Variants in SEMA3A observed in about 807,000 individuals in gnomAD.
The protein encoded by SEMA3A is semaphorin 3A, also known as semaphorin-3A.
SEMA3A carries 29 observed loss-of-function variants against 97.9 expected under a neutral mutation model. That is an observed-to-expected ratio of 0.30 (90% confidence interval 0.22 to 0.40). SEMA3A has a LOEUF of 0.40. Ranked by LOEUF, SEMA3A falls within the 10% of genes least tolerant of loss-of-function variation. SEMA3A has a pLI of 1.00. For synonymous variants in SEMA3A, 321 were observed against 323.7 expected (o/e 0.99, Z 0.09); for missense variants, 763 against 951.3 (o/e 0.80, Z 2.60).
At chr7:84,024,329 C>T (rs565458778) in intron 6 of SEMA3A, among the ~76,000 whole-genome samples, 1 of 152,074 alleles carries the variant, frequency 6.6e-6, no homozygotes, top group African/African-American at 2.4e-5. Flanking sequence ...TCACTTGAGG[C>T]CAGGAGGTTG....
intron 2 of SEMA3A, among the ~76,000 whole-genome samples, chr7:84,327,532 G>A (rs1801800974): frequency 6.6e-6 from 1 of 151,826 alleles, no homozygotes; most frequent in Non-Finnish European, 1.5e-5. Flanking sequence ...AAGAGCATGT[G>A]TAATTTCTAA....
intron 6 of SEMA3A, among the ~76,000 whole-genome samples, chr7:84,025,674 A>G (rs556519813): frequency 6.6e-6 from 1 of 152,304 alleles, no homozygotes; most frequent in Admixed American, 6.5e-5. Flanking sequence ...ACATCAGGAG[A>G]GAGAGAAGGG....
intron 6 of SEMA3A, among the ~76,000 whole-genome samples, chr7:84,039,283 AT>A (rs1792048476): frequency 6.6e-6 from 1 of 152,204 alleles, no homozygotes; most frequent in Non-Finnish European, 1.5e-5. Context: ...AATAACTTAA[AT>A]GACTCCCAAA....
At chr7:84,289,857 G>GA (rs1800697672) in intron 3 of SEMA3A, among the ~76,000 whole-genome samples, 1 of 152,044 alleles carries the variant, frequency 6.6e-6, no homozygotes, top group Non-Finnish European at 1.5e-5. Flanking sequence ...CCAAAAAGTA[G>GA]AAAAAATCTA....
chr7:84,319,803 C>T (rs116329121), intron 2 of SEMA3A, among the ~76,000 whole-genome samples: 2,363 of 152,000 alleles, frequency 0.016, 59 homozygotes, highest in African/African-American at 0.053. Context: ...TCTTATTTAA[C>T]GATTTAAATG....
At chr7:83,970,226 TAATC>T (rs1272089327) in intron 15 of SEMA3A, among the ~76,000 whole-genome samples, 5 of 152,308 alleles carry the variant, frequency 3.3e-5, no homozygotes, top group Admixed American at 2.6e-4. Flanking sequence ...AATCTTCAAT[TAATC>T]ATTTCCTCTT....
At chr7:84,194,440 C>A (rs1162531944) in intron 1 of SEMA3A, 35 bp downstream of exon 1, 1 of 1,420,716 alleles carries the variant, frequency 7.0e-7, no homozygotes. Context: ...GCGGTTATTA[C>A]AAAGCTAACC....
chr7:84,147,882 C>T (rs1796509314), intron 1 of SEMA3A, among the ~76,000 whole-genome samples: 1 of 151,498 alleles, frequency 6.6e-6, no homozygotes, highest in Non-Finnish European at 1.5e-5. Flanking sequence ...TTCTCTTTTT[C>T]TTACTCTCAC....
intron 1 of SEMA3A, among the ~76,000 whole-genome samples, chr7:84,445,510 A>G (rs1311841351): frequency 2.7e-5 from 4 of 146,012 alleles, no homozygotes; most frequent in East Asian, 4.1e-4. Flanking sequence ...AAAAAAAAAA[A>G]AAAAAAAAAA....
chr7:84,464,837 A>C (rs1805949971), intron 1 of SEMA3A, among the ~76,000 whole-genome samples: 1 of 152,194 alleles, frequency 6.6e-6, no homozygotes, highest in African/African-American at 2.4e-5. Context: ...TTCATAATAT[A>C]GTCGGTATCT....
chr7:84,398,849 A>G (rs561999656), intron 1 of SEMA3A, among the ~76,000 whole-genome samples: 2 of 152,220 alleles, frequency 1.3e-5, no homozygotes, highest in East Asian at 3.9e-4. Context: ...TTAAAATCAC[A>G]GTTATATTGA....
At chr7:84,114,559 G>T (rs754899116) in intron 3 of SEMA3A, among the ~76,000 whole-genome samples, 17 of 151,750 alleles carry the variant, frequency 1.1e-4, no homozygotes, top group African/African-American at 3.9e-4. Flanking sequence ...ATCATGATGG[G>T]TGGATACATT....
intron 1 of SEMA3A, among the ~76,000 whole-genome samples, chr7:84,425,852 T>C (rs1584316298): frequency 3.5e-5 from 1 of 28,256 alleles, no homozygotes; most frequent in South Asian, 1.4e-3. Context: ...AATGTTTATA[T>C]AACACACACA....
At chr7:84,367,922 T>C (rs770512522) in intron 2 of SEMA3A, among the ~76,000 whole-genome samples, 10 of 151,224 alleles carry the variant, frequency 6.6e-5, no homozygotes, top group Non-Finnish European at 1.3e-4. Context: ...TATAAAATAT[T>C]GTACCTTCTG....
chr7:84,258,097 T>C (rs1799758442), intron 3 of SEMA3A, among the ~76,000 whole-genome samples: 1 of 152,186 alleles, frequency 6.6e-6, no homozygotes, highest in Admixed American at 6.5e-5. Context: ...CTCCCCTTTC[T>C]TCTAGCAACA....
At chr7:84,158,148 C>CTTTTTTTTTT (rs1187182577) in intron 1 of SEMA3A, among the ~76,000 whole-genome samples, 12 of 82,296 alleles carry the variant, frequency 1.5e-4, no homozygotes, top group African/African-American at 2.7e-4. Flanking sequence ...ACAGCTAATT[C>CTTTTTTTTTT]TTTTTTTTTT....
At chr7:84,449,760 C>A (rs1369845750) in intron 1 of SEMA3A, among the ~76,000 whole-genome samples, 1 of 152,112 alleles carries the variant, frequency 6.6e-6, no homozygotes, top group Non-Finnish European at 1.5e-5. Flanking sequence ...TGTCCTCTGG[C>A]AATCGTCATT....
intron 2 of SEMA3A, among the ~76,000 whole-genome samples, chr7:84,345,859 T>A (rs183529785): frequency 6.6e-6 from 1 of 152,214 alleles, no homozygotes; most frequent in African/African-American, 2.4e-5. Flanking sequence ...CCTCCTCCCA[T>A]GAACTACAAA....
At chr7:84,279,693 G>C (rs2115736649) in intron 3 of SEMA3A, among the ~76,000 whole-genome samples, 1 of 152,174 alleles carries the variant, frequency 6.6e-6, no homozygotes, top group African/African-American at 2.4e-5. Context: ...ATTTTCATAA[G>C]AAGACATAAA....
Sources: allele counts gnomAD v4.1 joint callset (sites outside exome capture counted in the v4.1 genomes callset), GRCh38; gene constraint gnomAD v4.1.1; transcripts MANE v1.5; gene names NCBI Gene and HGNC (gene_info 2026-07-23, HGNC 2026-07-21).